Variants in GRIN3A observed in about 807,000 individuals in gnomAD.
The protein encoded by GRIN3A is glutamate ionotropic receptor NMDA type subunit 3A.
Under a neutral mutation model 92.4 loss-of-function variants are expected in GRIN3A, and 47 were observed. The ratio of observed to expected loss-of-function variants is 0.51; its 90% CI spans 0.40 to 0.65. The LOEUF is 0.65. Ranked by LOEUF, GRIN3A falls within the 30% of genes least tolerant of loss-of-function variation. The probability of loss-of-function intolerance (pLI) is 0.00; values close to 1 mark genes in which losing one functional copy is unlikely to be tolerated. For missense variants in GRIN3A, 1,324 were observed against 1,393.1 expected (o/e 0.95, Z 0.79); for synonymous variants, 527 against 540.6 (o/e 0.97, Z 0.35).
chr9:101,644,472 A>AAAAAAAC (rs1828909551), intron 3 of GRIN3A, among the ~76,000 whole-genome samples: 1 of 151,618 alleles, frequency 6.6e-6, no homozygotes, highest in African/African-American at 2.4e-5. Flanking sequence ...AAAAAAAAAA[A>AAAAAAAC]AAAAAACACA....
intron 1 of GRIN3A, among the ~76,000 whole-genome samples, chr9:101,733,507 T>A (rs1235984012): frequency 6.6e-6 from 1 of 152,214 alleles, no homozygotes; most frequent in Non-Finnish European, 1.5e-5. Flanking sequence ...CTATTCATCA[T>A]GAATTGCAGA....
chr9:101,679,619 G>C (rs1202354657), intron 2 of GRIN3A, among the ~76,000 whole-genome samples: 2 of 152,168 alleles, frequency 1.3e-5, no homozygotes, highest in South Asian at 4.1e-4. Flanking sequence ...CAGACCTTAA[G>C]TGTTGATCCC....
chr9:101,607,658 A>G (rs1370433088), intron 6 of GRIN3A, among the ~76,000 whole-genome samples: 6 of 152,178 alleles, frequency 3.9e-5, no homozygotes, highest in Admixed American at 3.9e-4. Context: ...GGATTAAGGC[A>G]CTCGCCAAAA....
rs1829035680 is a variant in GRIN3A at position 101,653,171 on chromosome 9, G to A, written c.2352+16889C>T. Among the ~76,000 whole-genome samples the A allele has an allele frequency of 2.0e-5, 3 of 151,878 alleles. No individual in the cohort carries two copies. In the South Asian group the frequency reaches 6.2e-4, roughly 31 times the overall value. On this transcript the variant is annotated intron_variant, in intron 3 of 8. Transcript: ENST00000361820. Reference sequence around the variant, plus strand: ...CAGTCATCACATGCCACTTGTGTCAGGAATTTCATCTGAGCAAGATTTAAA... The same window carrying A: ...CAGTCATCACATGCCACTTGTGTCAAGAATTTCATCTGAGCAAGATTTAAA...
chr9:101,707,283 C>G (rs1829825218), intron 1 of GRIN3A, among the ~76,000 whole-genome samples: 1 of 152,196 alleles, frequency 6.6e-6, no homozygotes, highest in Admixed American at 6.5e-5. Flanking sequence ...GTGTAATGAA[C>G]TGAACTGCAG....
chr9:101,621,870 G>A (rs1828560789), intron 5 of GRIN3A, among the ~76,000 whole-genome samples: 1 of 152,186 alleles, frequency 6.6e-6, no homozygotes, highest in South Asian at 2.1e-4. Context: ...GTTACCCAGT[G>A]CATCTAGGAC....
chr9:101,575,171 G>A (rs1827810612), intron 8 of GRIN3A, among the ~76,000 whole-genome samples: 1 of 152,136 alleles, frequency 6.6e-6, no homozygotes, highest in Admixed American at 6.6e-5. Context: ...TCTTTAACAT[G>A]CCTCATAGTC....
In GRIN3A at chr9:101,570,854, CT is replaced by C. The variant is rs1301984761; in HGVS notation, c.*2319del. 6.6e-6 allele frequency: 1 copy of C among 152,632 alleles called. No homozygotes were observed. The highest frequency in any genetic ancestry group is 1.5e-5 in the Non-Finnish European group (1 of 68,042). The allele number at this position is 152,632 out of a possible 1,614,324, so 9.5% of individuals were successfully genotyped here. A position where few individuals can be genotyped will look rare whatever the true frequency, so the allele number is the denominator to read the frequency against. On this transcript the variant is annotated 3_prime_UTR_variant, in exon 9 of 9. Transcript: ENST00000361820. ...GTGCTTTACTTTACAAAAGAATTCA[CT>C]TCTGGGTTCCCTTAAACAGCCAGCT...
intron 6 of GRIN3A, among the ~76,000 whole-genome samples, chr9:101,598,754 A>G (rs1412334421): frequency 6.6e-6 from 1 of 152,196 alleles, no homozygotes; most frequent in Non-Finnish European, 1.5e-5. Context: ...AACACTCCTC[A>G]TGTAGTGGTT....
intron 3 of GRIN3A, among the ~76,000 whole-genome samples, chr9:101,646,839 T>A (rs985600473): frequency 6.6e-6 from 1 of 151,932 alleles, no homozygotes; most frequent in Non-Finnish European, 1.5e-5. Flanking sequence ...TAAATGCTAC[T>A]AATCTTTGTA....
intron 6 of GRIN3A, chr9:101,594,421 G>T: frequency 1.2e-6 from 2 of 1,608,064 alleles, no homozygotes; most frequent in African/African-American, 2.7e-5. Context: ...ATACGATGAG[G>T]ACCAGCTTCT....
At chr9:101,657,190 C>G (rs1427380516) in intron 3 of GRIN3A, among the ~76,000 whole-genome samples, 2 of 151,816 alleles carry the variant, frequency 1.3e-5, no homozygotes, top group Admixed American at 1.3e-4. Flanking sequence ...ATTTGAGGTG[C>G]CTCTGATATC....
At position 101,571,587 on chromosome 9, in the gene GRIN3A, G is replaced by C. The variant is rs1412743047; in HGVS notation, c.*1587C>G. The C allele has an allele frequency of 6.6e-6, 1 of 152,136 alleles. No individual in the cohort carries two copies. The highest frequency in any genetic ancestry group is 2.4e-5 in the African/African-American group (1 of 41,412). The allele number at this position is 152,136 out of a possible 1,614,324, so 9.4% of individuals were successfully genotyped here. A position where few individuals can be genotyped will look rare whatever the true frequency, so the allele number is the denominator to read the frequency against. ...GTCCTAAATGGTGCCCAGGGGTGGG[G>C]GTGAGGATGTTGAAGGAGAGTCAGC... On this transcript the variant is annotated 3_prime_UTR_variant, in exon 9 of 9. Coordinates refer to ENST00000361820, the MANE Select transcript of GRIN3A (RefSeq NM_133445.3).
rs376341803 is a variant in GRIN3A, at chr9:101,724,258, C to T, written c.699+13023G>A. Among the ~76,000 whole-genome samples, 161 of 152,330 alleles carry T rather than the reference C, an allele frequency of 1.1e-3. 1 individual carries two copies. The highest frequency in any genetic ancestry group is 3.8e-3 in the African/African-American group (156 of 41,582). The stretch of plus-strand genomic sequence containing the variant: ...CAGGCTGCAGGTCCCAGGCCCTGCC[C>T]CACAGGAAGGCAGCTAAGGCCCGGC... On this transcript the variant is annotated intron_variant, in intron 1 of 8. Coordinates refer to ENST00000361820, the MANE Select transcript of GRIN3A (RefSeq NM_133445.3).
chr9:101,579,397 A>C, intron 6 of GRIN3A, 37 bp from the exon 7 acceptor site: 1 of 1,605,692 alleles, frequency 6.2e-7, no homozygotes, highest in Non-Finnish European at 8.5e-7. Context: ...CATGAATACA[A>C]TGATATACCT....
At chr9:101,641,755 A>C (rs1447283971) in intron 3 of GRIN3A, among the ~76,000 whole-genome samples, 2 of 151,948 alleles carry the variant, frequency 1.3e-5, no homozygotes, top group East Asian at 1.9e-4. Flanking sequence ...CATTGTGCAC[A>C]TGTACCCTAA....
At chr9:101,617,551 T>G (rs886071269) in intron 5 of GRIN3A, among the ~76,000 whole-genome samples, 2 of 152,184 alleles carry the variant, frequency 1.3e-5, no homozygotes, top group African/African-American at 4.8e-5. Context: ...TAAAAACAGA[T>G]TACTATCCCT....
chr9:101,584,401 T>G (rs1025880245), intron 6 of GRIN3A, among the ~76,000 whole-genome samples: 1 of 152,246 alleles, frequency 6.6e-6, no homozygotes, highest in Non-Finnish European at 1.5e-5. Context: ...ACATAGTTTG[T>G]ATCTGATACT....
chr9:101,673,066 G>C (rs1829350554), intron 2 of GRIN3A, among the ~76,000 whole-genome samples: 1 of 151,978 alleles, frequency 6.6e-6, no homozygotes, highest in Non-Finnish European at 1.5e-5. Flanking sequence ...AATTTCTTCT[G>C]GTCAATTTAC....
Sources: gnomAD v4.1 joint callset for allele counts (sites outside exome capture counted in the v4.1 genomes callset) on GRCh38, gnomAD v4.1.1 for gene constraint, MANE v1.5 for transcripts, NCBI Gene and HGNC (gene_info 2026-07-23, HGNC 2026-07-21) for gene names.